PGAP4: variants seen among roughly 807,000 people sequenced by gnomAD.
PGAP4 encodes GPI-N-acetylgalactosamine transferase PGAP4.
In PGAP4, 12 loss-of-function variants were observed where a neutral mutation model predicts 28.2. The ratio of observed to expected loss-of-function variants is 0.42; its 90% CI spans 0.27 to 0.69. The LOEUF is 0.69. Among genes scored for constraint, PGAP4 ranks in the 30% least tolerant of loss-of-function variants. PGAP4 has a pLI of 0.22. For synonymous variants in PGAP4, 205 were observed against 211.8 expected (o/e 0.97, Z 0.28); for missense variants, 425 against 513.5 (o/e 0.83, Z 1.67).
Position 101,476,423 on chromosome 9 carries a change from A to G in PGAP4, c.670T>C (p.Leu224=). ...AVPEEQIFPV[L]EHLLRARFSE... ...AAGCGAGCCCGCAGAAGGTGCTCCA[A>G]GACTGGGAAGATCTGCTCTTCTGGT... The change falls in exon 2 of 2, where the codon TTG becomes CTG. Residue 224 remains leucine, a synonymous_variant. Transcript: ENST00000374848. This position sits in a 1 kb window ranked among gnomAD's most constrained non-coding sequence, Gnocchi z 7.0. The G allele has an allele frequency of 6.2e-7, 1 of 1,614,180 alleles. No homozygotes were observed. Among genetic ancestry groups the G allele is most frequent in the Non-Finnish European group, 8.5e-7 (1 of 1,180,040 alleles).
At chr9:101,531,237 C>CACACACAG (rs963708949) in intron 2 of PGAP4, 1 of 150,342 alleles carries the variant, frequency 6.7e-6, no homozygotes, top group African/African-American at 2.5e-5. Flanking sequence ...CACACACACA[C>CACACACAG]ACAGAGTTGA....
chr9:101,483,841 C>A (rs1345246046), intron 1 of PGAP4, among the ~76,000 whole-genome samples: 1 of 151,964 alleles, frequency 6.6e-6, no homozygotes, highest in African/African-American at 2.4e-5. Flanking sequence ...CAAAATTCTA[C>A]CAAAGGGTAA....
At chr9:101,481,862 C>T (rs777655252) in intron 1 of PGAP4, among the ~76,000 whole-genome samples, 10 of 152,164 alleles carry the variant, frequency 6.6e-5, no homozygotes, top group African/African-American at 1.7e-4. Flanking sequence ...CTCACCTCCA[C>T]GCAGTCACTT....
upstream of PGAP4, among the ~76,000 whole-genome samples, chr9:101,488,327 T>C (rs1826653211): frequency 6.6e-6 from 1 of 152,208 alleles, no homozygotes. Context: ...GGTAGTTTCA[T>C]TTCCTGGGAG....
intron 2 of PGAP4, among the ~76,000 whole-genome samples, chr9:101,527,894 A>G (rs779188956): frequency 6.6e-6 from 1 of 152,282 alleles, no homozygotes; most frequent in South Asian, 2.1e-4. Flanking sequence ...TTAGTGATCC[A>G]TCTCATCATC....
chr9:101,503,795 A>C (rs986903464), intron 2 of PGAP4, among the ~76,000 whole-genome samples: 3 of 152,012 alleles, frequency 2.0e-5, no homozygotes, highest in Non-Finnish European at 4.4e-5. Flanking sequence ...CCCCTCCCCA[A>C]ATCATTCACT....
chr9:101,489,791 A>G (rs536515817), upstream of PGAP4, among the ~76,000 whole-genome samples: 136 of 152,356 alleles, frequency 8.9e-4, 2 homozygotes, highest in Admixed American at 8.8e-3. Flanking sequence ...GAAGATATCC[A>G]GTAAAGTCTT....
rs1254796947 is a variant in PGAP4, at chr9:101,475,108, T to C, written c.*773A>G. The C allele has an allele frequency of 1.3e-5, 2 of 152,086 alleles. No individual in the cohort carries two copies. The highest frequency in any genetic ancestry group is 2.9e-5 in the Non-Finnish European group (2 of 68,038). The allele number at this position is 152,086 out of a possible 1,614,324, so 9.4% of individuals were successfully genotyped here. A position where few individuals can be genotyped will look rare whatever the true frequency, so the allele number is the denominator to read the frequency against. ...ACTTGTAAAGAGCTCCCCTATATTG[T>C]ATCATTCTGAAATGTCCAATTTTCA... On this transcript the variant is annotated 3_prime_UTR_variant, in exon 2 of 2. Transcript: ENST00000374848.
At chr9:101,497,247 T>G (rs1360534706) in intron 2 of PGAP4, among the ~76,000 whole-genome samples, 1 of 151,572 alleles carries the variant, frequency 6.6e-6, no homozygotes, top group Non-Finnish European at 1.5e-5. Context: ...ATTTACTTAA[T>G]TTAATTTTAA....
rs2118562527 is a variant in PGAP4 at position 101,487,007 on chromosome 9, C to G, written c.-136G>C. ...CGCCGAGGGCCGCCTCTGGTATTGC[C>G]CAGGCTGGCTAGCTCATCCCGGTGG... On this transcript the variant is annotated 5_prime_UTR_variant, in exon 1 of 2. Coordinates refer to ENST00000374848, the MANE Select transcript of PGAP4 (RefSeq NM_032342.3). 6.6e-6 allele frequency: 1 copy of G among 152,520 alleles called. No individual in the cohort carries two copies. Among genetic ancestry groups the G allele is most frequent in the Admixed American group, 6.5e-5 (1 of 15,316 alleles). 9.4% of individuals were successfully genotyped at this position (152,520 alleles called of 1,614,324 possible).
intron 2 of PGAP4, among the ~76,000 whole-genome samples, chr9:101,519,703 A>G (rs1471089548): frequency 1.4e-5 from 2 of 146,748 alleles, no homozygotes; most frequent in East Asian, 3.9e-4. Flanking sequence ...AGACACACAC[A>G]TATATATATA....
intron 2 of PGAP4, among the ~76,000 whole-genome samples, chr9:101,495,615 G>A (rs1301551064): frequency 2.7e-5 from 4 of 148,858 alleles, no homozygotes; most frequent in African/African-American, 9.8e-5. Context: ...CAGAATTACA[G>A]GTCATGGCTA....
In PGAP4 at chr9:101,476,065, G is replaced by A. The variant is rs746600970; in HGVS notation, c.1028C>T (p.Ala343Val). 5 of 1,614,148 alleles carry A rather than the reference G, an allele frequency of 3.1e-6. No homozygotes were observed. Among genetic ancestry groups the A allele is most frequent in the Non-Finnish European group, 2.5e-6 (3 of 1,180,036 alleles). The change falls in exon 2 of 2, where the codon GCG (alanine) becomes GTG (valine). Residue 343 changes from alanine (A) to valine (V), a missense_variant. Physicochemically the swap from Ala to Val is moderately conservative, Grantham distance 64. Transcript: ENST00000374848. This position sits in a 1 kb window ranked among gnomAD's most constrained non-coding sequence, Gnocchi z 7.0. ...CTPAMLFPAP[A>V]ARRTLTYLSQ... ...CAGGTAGGTGAGGGTCCGGCGGGCC[G>A]CAGGTGCCGGGAAGAGCATGGCTGG...
In PGAP4 at chr9:101,486,633, G is replaced by C. The variant is rs1193904021; in HGVS notation, c.-78+316C>G. On this transcript the variant is annotated intron_variant, in intron 1 of 1. Coordinates refer to ENST00000374848, the MANE Select transcript of PGAP4 (RefSeq NM_032342.3). This position sits in a 1 kb window ranked among gnomAD's most constrained non-coding sequence, Gnocchi z 4.7. ...TGTCAGCGCAGCTGGCGCAGGCAAG[G>C]GCCAGGGAGGCGCCCCCGAGACACT... is the stretch of plus-strand genomic sequence containing the variant. Among the ~76,000 whole-genome samples, 2 of 148,024 alleles carry C rather than the reference G, an allele frequency of 1.4e-5. No homozygotes were observed. Among genetic ancestry groups the C allele is most frequent in the African/African-American group, 5.0e-5 (2 of 40,052 alleles).
At chr9:101,520,074 T>C (rs890156871) in intron 2 of PGAP4, among the ~76,000 whole-genome samples, 1 of 152,246 alleles carries the variant, frequency 6.6e-6, no homozygotes, top group Non-Finnish European at 1.5e-5. Flanking sequence ...CACTGGTCTA[T>C]GTGCCTATTT....
chr9:101,524,996 T>G (rs1827022757), intron 2 of PGAP4, among the ~76,000 whole-genome samples: 1 of 152,208 alleles, frequency 6.6e-6, no homozygotes, highest in African/African-American at 2.4e-5. Context: ...CCCTGATGAT[T>G]GCTATCTCCA....
chr9:101,508,512 T>C (rs1588207837), intron 2 of PGAP4, among the ~76,000 whole-genome samples: 1 of 152,142 alleles, frequency 6.6e-6, no homozygotes, highest in Admixed American at 6.6e-5. Context: ...ATCAGGGAGA[T>C]GCTCTACCCA....
intron 1 of PGAP4, among the ~76,000 whole-genome samples, chr9:101,483,510 T>G (rs1221909222): frequency 6.6e-6 from 1 of 152,272 alleles, no homozygotes; most frequent in Non-Finnish European, 1.5e-5. Flanking sequence ...TATGCACTAC[T>G]GCCTACATAA....
intron 2 of PGAP4, among the ~76,000 whole-genome samples, chr9:101,493,505 TTAAC>T (rs940424814): frequency 2.0e-5 from 3 of 152,164 alleles, no homozygotes; most frequent in Middle Eastern, 3.2e-3. Flanking sequence ...TTTTTTCAGT[TTAAC>T]TAATAGATAC....
Sources: allele counts gnomAD v4.1 joint callset (sites outside exome capture counted in the v4.1 genomes callset), GRCh38; gene constraint gnomAD v4.1.1; non-coding constraint Gnocchi (gnomAD v3.1); transcripts MANE v1.5; gene names NCBI Gene and HGNC (gene_info 2026-07-23, HGNC 2026-07-21).